DAB1: variants seen among roughly 807,000 people sequenced by gnomAD.
DAB1 encodes the protein DAB adaptor protein 1.
In DAB1, 15 loss-of-function variants were observed where a neutral mutation model predicts 64.6. The observed-to-expected ratio is 0.23, with a 90% confidence interval of 0.16 to 0.36. The LOEUF (loss-of-function observed/expected upper bound fraction) is 0.36, where lower values mean the gene tolerates loss of function less well. Ranked by LOEUF, DAB1 falls within the 10% of genes least tolerant of loss-of-function variation. DAB1 has a pLI of 1.00. For synonymous variants in DAB1, 235 were observed against 251.9 expected (o/e 0.93, Z 0.64); for missense variants, 596 against 706.7 (o/e 0.84, Z 1.78).
intron 4 of DAB1, among the ~76,000 whole-genome samples, chr1:58,320,775 T>G (rs993323334): frequency 6.6e-6 from 1 of 152,212 alleles, no homozygotes; most frequent in Non-Finnish European, 1.5e-5. Context: ...TTATGTTTTC[T>G]TTGCTTGTTG....
chr1:57,930,766 C>A (rs1226153912), intron 5 of DAB1, among the ~76,000 whole-genome samples: 1 of 152,086 alleles, frequency 6.6e-6, no homozygotes, highest in East Asian at 1.9e-4. Context: ...TTTGTCAATT[C>A]TTTTGGATTT....
chr1:57,052,645 A>C (rs1649305417), intron 9 of DAB1, among the ~76,000 whole-genome samples: 1 of 152,218 alleles, frequency 6.6e-6, no homozygotes, highest in Admixed American at 6.5e-5. Context: ...TAGCTGAGAT[A>C]CTGGGAGCAA....
intron 5 of DAB1, among the ~76,000 whole-genome samples, chr1:58,016,362 C>T (rs1646739157): frequency 6.6e-6 from 1 of 152,090 alleles, no homozygotes. Flanking sequence ...TTGCCAATTT[C>T]CCATTTAAGT....
At chr1:57,026,088 T>G (rs778333930) in intron 9 of DAB1, 45 bp from the exon 10 acceptor site, 2 of 1,466,024 alleles carry the variant, frequency 1.4e-6, no homozygotes, top group East Asian at 4.6e-5. Context: ...AGAAAGCTGG[T>G]GCTGCTGGGC....
intron 2 of DAB1, among the ~76,000 whole-genome samples, chr1:57,151,807 ATTTT>A (rs34012935): frequency 1.9e-5 from 2 of 106,252 alleles, no homozygotes; most frequent in Admixed American, 1.1e-4. Flanking sequence ...CTAATGTTTA[ATTTT>A]TTTTTTTTTT....
At chr1:57,142,726 G>A (rs1241024310) in intron 3 of DAB1, among the ~76,000 whole-genome samples, 1 of 152,104 alleles carries the variant, frequency 6.6e-6, no homozygotes, top group East Asian at 1.9e-4. Context: ...TCAGGGAGCA[G>A]AGGCCAAATC....
At chr1:57,894,658 G>A (rs978906140) in intron 5 of DAB1, among the ~76,000 whole-genome samples, 7 of 152,140 alleles carry the variant, frequency 4.6e-5, no homozygotes, top group Non-Finnish European at 1.0e-4. Flanking sequence ...AAAAAAACTC[G>A]AAGGGTTTAA....
chr1:57,361,572 GC>G (rs1207831850), intron 1 of DAB1, among the ~76,000 whole-genome samples: 1 of 152,024 alleles, frequency 6.6e-6, no homozygotes, highest in East Asian at 1.9e-4. Flanking sequence ...TGTCGGGTTT[GC>G]CATGAGACTT....
intron 6 of DAB1, among the ~76,000 whole-genome samples, chr1:57,708,824 C>A (rs1226337811): frequency 6.6e-6 from 1 of 152,114 alleles, no homozygotes; most frequent in Non-Finnish European, 1.5e-5. Context: ...GCATGCAATG[C>A]AAGACCGTCT....
intron 3 of DAB1, among the ~76,000 whole-genome samples, chr1:58,385,338 G>A (rs1644424215): frequency 6.6e-6 from 1 of 152,176 alleles, no homozygotes; most frequent in Non-Finnish European, 1.5e-5. Context: ...TTTGCTTAAT[G>A]TCTTACCCTG....
chr1:57,390,407 A>G (rs1682250749), intron 1 of DAB1, among the ~76,000 whole-genome samples: 1 of 152,212 alleles, frequency 6.6e-6, no homozygotes, highest in African/African-American at 2.4e-5. Context: ...AATATTTTGC[A>G]AAAGGTGTCA....
intron 1 of DAB1, among the ~76,000 whole-genome samples, chr1:57,335,971 T>C (rs1677046277): frequency 6.6e-6 from 1 of 152,220 alleles, no homozygotes; most frequent in Non-Finnish European, 1.5e-5. Context: ...TGTTGGCATC[T>C]GCAAGTAGAA....
At chr1:58,255,227 C>G (rs557306262) in intron 4 of DAB1, among the ~76,000 whole-genome samples, 1 of 149,802 alleles carries the variant, frequency 6.7e-6, no homozygotes, top group Admixed American at 6.7e-5. Flanking sequence ...TCATGTCCTT[C>G]GCCCACTTTT....
chr1:57,462,613 C>T (rs6663883), intron 7 of DAB1, among the ~76,000 whole-genome samples: 2,402 of 152,254 alleles, frequency 0.016, 68 homozygotes, highest in African/African-American at 0.055. Flanking sequence ...TTTCTTCTTA[C>T]AACAACCCTA....
intron 5 of DAB1, among the ~76,000 whole-genome samples, chr1:58,053,783 T>C (rs1052177124): frequency 1.3e-5 from 2 of 152,208 alleles, no homozygotes; most frequent in African/African-American, 4.8e-5. Context: ...AGAACCCCAA[T>C]CTGTATACTT....
At chr1:57,105,378 G>A (rs1385112033) in intron 4 of DAB1, among the ~76,000 whole-genome samples, 1 of 151,340 alleles carries the variant, frequency 6.6e-6, no homozygotes, top group African/African-American at 2.4e-5. Context: ...GCGCTTCCCA[G>A]TGTGTGGTGT....
chr1:57,627,696 A>G (rs533136221), intron 7 of DAB1, among the ~76,000 whole-genome samples: 1 of 152,330 alleles, frequency 6.6e-6, no homozygotes, highest in South Asian at 2.1e-4. Context: ...AGGTCTTATA[A>G]TGACTAAGGG....
chr1:57,086,644 A>AAAACACAC (rs1553139515), intron 4 of DAB1, among the ~76,000 whole-genome samples: 1 of 118,530 alleles, frequency 8.4e-6, no homozygotes, highest in Non-Finnish European at 1.7e-5. Context: ...TTCTGTCTTA[A>AAAACACAC]ACACACACAC....
At chr1:57,066,181 A>C (rs1288751170) in intron 8 of DAB1, among the ~76,000 whole-genome samples, 1 of 152,184 alleles carries the variant, frequency 6.6e-6, no homozygotes, top group Non-Finnish European at 1.5e-5. Flanking sequence ...ATGAACTTGG[A>C]AAATGACCAT....
Sources: gnomAD v4.1 joint callset for allele counts (sites outside exome capture counted in the v4.1 genomes callset) on GRCh38, gnomAD v4.1.1 for gene constraint, MANE v1.5 for transcripts, NCBI Gene and HGNC (gene_info 2026-07-23, HGNC 2026-07-21) for gene names.